Variants in ANKRD17 observed in about 807,000 individuals in gnomAD.
ANKRD17 encodes ankyrin repeat domain-containing protein 17.
Under a neutral mutation model 229.7 loss-of-function variants are expected in ANKRD17, and 19 were observed. That is an observed-to-expected ratio of 0.08 (90% CI 0.06 to 0.12). The LOEUF (loss-of-function observed/expected upper bound fraction) is 0.12. Ranked by LOEUF, ANKRD17 falls within the 10% of genes least tolerant of loss-of-function variation. The probability of loss-of-function intolerance (pLI) is 1.00; values close to 1 mark genes in which losing one functional copy is unlikely to be tolerated. For synonymous variants in ANKRD17, 1,112 were observed against 1,146.1 expected (o/e 0.97, Z 0.60); for missense variants, 2,176 against 3,176.8 (o/e 0.68, Z 7.57).
At chr4:73,257,061 T>A (rs1745516270) in intron 1 of ANKRD17, among the ~76,000 whole-genome samples, 1 of 152,230 alleles carries the variant, frequency 6.6e-6, no homozygotes, top group African/African-American at 2.4e-5. Flanking sequence ...ATAAGTTCCA[T>A]GTTTGTGGAA....
At chr4:73,156,541 G>A (rs1731684465) in intron 3 of ANKRD17, among the ~76,000 whole-genome samples, 2 of 152,130 alleles carry the variant, frequency 1.3e-5, no homozygotes, top group Admixed American at 1.3e-4. Context: ...AGATCATGGG[G>A]GTGGATTTCT....
intron 3 of ANKRD17, among the ~76,000 whole-genome samples, chr4:73,158,353 C>T (rs1732051551): frequency 6.6e-6 from 1 of 152,124 alleles, no homozygotes; most frequent in Admixed American, 6.5e-5. Flanking sequence ...TTATCTCCTA[C>T]CCTCTCACCC....
intron 1 of ANKRD17, among the ~76,000 whole-genome samples, chr4:73,181,814 G>A (rs1419622544): frequency 1.3e-5 from 2 of 151,854 alleles, no homozygotes; most frequent in African/African-American, 2.4e-5. Context: ...TTGGGAGGCC[G>A]AGGCGGGTGC....
In ANKRD17 at chr4:73,125,063, A is replaced by G. The variant is rs764127528; in HGVS notation, c.3347-5T>C. 1.1e-4 allele frequency: 176 copies of G among 1,613,956 alleles called. No individual in the cohort carries two copies. Among genetic ancestry groups the G allele is most frequent in the East Asian group, 2.4e-4 (11 of 44,898 alleles). On this transcript the variant is annotated splice_polypyrimidine_tract_variant and splice_region_variant and intron_variant, in intron 17 of 33. Coordinates refer to ENST00000358602, the MANE Select transcript of ANKRD17 (RefSeq NM_032217.5). ...CCAAGATGAGTGGAGTAAAACCTGG[A>G]GAAAAATAATGATCTTCTCACTACA...
intron 24 of ANKRD17, among the ~76,000 whole-genome samples, chr4:73,108,466 C>T (rs1018197035): frequency 1.3e-5 from 2 of 152,066 alleles, no homozygotes; most frequent in East Asian, 1.9e-4. Flanking sequence ...AAAGGCTTTT[C>T]GCTAAAAGGT....
chr4:73,227,451 C>A (rs1742624437), intron 1 of ANKRD17, among the ~76,000 whole-genome samples: 5 of 152,102 alleles, frequency 3.3e-5, no homozygotes, highest in Non-Finnish European at 7.4e-5. Context: ...CCGCACCCAG[C>A]CTCAACCTAA....
At chr4:73,206,579 A>C (rs564455178) in intron 1 of ANKRD17, among the ~76,000 whole-genome samples, 3 of 152,312 alleles carry the variant, frequency 2.0e-5, no homozygotes, top group South Asian at 2.1e-4. Flanking sequence ...CAGAAATGCA[A>C]GCACTGCATG....
intron 1 of ANKRD17, among the ~76,000 whole-genome samples, chr4:73,221,947 A>G (rs915834473): frequency 6.6e-6 from 1 of 152,154 alleles, no homozygotes; most frequent in Admixed American, 6.5e-5. Context: ...TATAATGCGC[A>G]TAGGCTTTTT....
chr4:73,241,561 A>T (rs951139875), intron 1 of ANKRD17, among the ~76,000 whole-genome samples: 1 of 152,182 alleles, frequency 6.6e-6, no homozygotes, highest in Non-Finnish European at 1.5e-5. Flanking sequence ...ACTAAACTAT[A>T]AAAAGATCAA....
chr4:73,157,680 A>G (rs935666151), intron 3 of ANKRD17, among the ~76,000 whole-genome samples: 33 of 152,196 alleles, frequency 2.2e-4, no homozygotes, highest in Non-Finnish European at 4.4e-5. Context: ...TTTAAGACCA[A>G]CATCTTTGTC....
At position 73,111,160 on chromosome 4, in the gene ANKRD17, G is replaced by GT. The variant is rs928664636; in HGVS notation, c.4401+2631dup. ...ATAGTACTGGACCCTGTATATATAT[G>GT]TTTTTTCAAAGAAACCCATGATAAA... On this transcript the variant is annotated intron_variant, in intron 24 of 33. Coordinates refer to ENST00000358602, the MANE Select transcript of ANKRD17 (RefSeq NM_032217.5). 9.9e-5 allele frequency among the ~76,000 whole-genome samples: 15 copies of GT among 152,148 alleles called. No homozygotes were observed. The East Asian group carries it at 2.5e-3, about 26-fold the overall frequency.
intron 1 of ANKRD17, among the ~76,000 whole-genome samples, chr4:73,257,483 C>T (rs1745557032): frequency 6.6e-6 from 1 of 152,154 alleles, no homozygotes; most frequent in Non-Finnish European, 1.5e-5. Context: ...TCCCATATTA[C>T]GGGACAACAG....
At chr4:73,237,056 G>A (rs1290654746) in intron 1 of ANKRD17, among the ~76,000 whole-genome samples, 2 of 152,194 alleles carry the variant, frequency 1.3e-5, no homozygotes, top group African/African-American at 4.8e-5. Context: ...TATGCCTGTG[G>A]TTTAATGAAA....
chr4:73,112,870 C>G, intron 24 of ANKRD17: 1 of 302,928 alleles, frequency 3.3e-6, no homozygotes, highest in Non-Finnish European at 4.8e-6. Flanking sequence ...TCACTGCAAC[C>G]TCCGCCTCCC....
chr4:73,100,957 A>G, intron 25 of ANKRD17: 1 of 985,400 alleles, frequency 1.0e-6, no homozygotes, highest in East Asian at 1.1e-4. Context: ...ACTAGATTGA[A>G]AGTATTCAAA....
rs746698439 is a variant in ANKRD17 at position 73,121,091 on chromosome 4, A to C, written c.3639T>G (p.Thr1213=). The change falls in exon 20 of 34, where the codon ACT becomes ACG. Residue 1213 remains threonine, a synonymous_variant. Transcript: ENST00000358602. The part of the protein sequence containing the change: ...LNAGAEINSR[T]GSKLGISPLM... ...GAGGAGAGATGCCCAATTTGCTACC[A>C]GTTCTAGGGGTGCAGGTATGGGGAA... is the stretch of plus-strand genomic sequence containing the variant. 8.1e-6 allele frequency: 13 copies of C among 1,613,352 alleles called. No individual in the cohort carries two copies. Among genetic ancestry groups the C allele is most frequent in the Non-Finnish European group, 1.0e-5 (12 of 1,179,476 alleles).
chr4:73,174,085 G>A (rs1038553063), intron 2 of ANKRD17, among the ~76,000 whole-genome samples: 19 of 136,720 alleles, frequency 1.4e-4, no homozygotes, highest in Admixed American at 6.1e-4. Context: ...GGCGAGGGAA[G>A]GGAGGGGAGA....
At position 73,090,846 on chromosome 4, in the gene ANKRD17, C is replaced by A; in HGVS notation, c.6782G>T (p.Ser2261Ile). Residue 2261 changes from serine (S) to isoleucine (I), a missense_variant, in exon 29 of 34, where the codon AGC (serine) becomes ATC (isoleucine). By Grantham distance (142) the Ser-to-Ile change is moderately radical. Coordinates refer to ENST00000358602, the MANE Select transcript of ANKRD17 (RefSeq NM_032217.5). ...CCAGAAGGCATGAGCAGAAGTAGGG[C>A]TGTTTTCAAACAATGTGCTAAAGGG... The part of the protein sequence containing the change: ...FGPFSTLFEN[S>I]PTSAHAFWGG... 1 of 1,614,208 alleles carries A rather than the reference C, an allele frequency of 6.2e-7. No individual in the cohort carries two copies. The highest frequency in any genetic ancestry group is 1.1e-5 in the South Asian group (1 of 91,078).
chr4:73,098,530 T>G lies in ANKRD17; in HGVS notation c.4574-10A>C. 1 of 1,604,438 alleles carries G rather than the reference T, an allele frequency of 6.2e-7. No homozygotes were observed. Among genetic ancestry groups the G allele is most frequent in the African/African-American group, 1.3e-5 (1 of 74,274 alleles). ...AAGACTTCAGGCTCATCTGTAAAAGTAGCAATACTGAATTAGCAAGTTCTA... is the reference window on the plus strand; with the variant it reads ...AAGACTTCAGGCTCATCTGTAAAAGGAGCAATACTGAATTAGCAAGTTCTA... On this transcript the variant is annotated splice_polypyrimidine_tract_variant and intron_variant, in intron 25 of 33. Coordinates refer to ENST00000358602, the MANE Select transcript of ANKRD17 (RefSeq NM_032217.5).
Sources: gnomAD v4.1 joint callset for allele counts (sites outside exome capture counted in the v4.1 genomes callset) on GRCh38, gnomAD v4.1.1 for gene constraint, MANE v1.5 for transcripts, NCBI Gene and HGNC (gene_info 2026-07-23, HGNC 2026-07-21) for gene names.